NT5DC1: variants seen among roughly 807,000 people sequenced by gnomAD.
The protein encoded by NT5DC1 is 5'-nucleotidase domain-containing protein 1.
A neutral mutation model predicts 59.4 loss-of-function variants in NT5DC1; 42 were observed. That is an observed-to-expected ratio of 0.71 (90% CI 0.55 to 0.92). NT5DC1 has a LOEUF of 0.92. Ranked by LOEUF, NT5DC1 falls within the 40% of genes least tolerant of loss-of-function variation. The probability of loss-of-function intolerance (pLI) is 0.00; values close to 1 mark genes in which losing one functional copy is unlikely to be tolerated. For missense variants in NT5DC1, 501 were observed against 537.1 expected (o/e 0.93, Z 0.66); for synonymous variants, 172 against 188.1 (o/e 0.91, Z 0.70).
intron 6 of NT5DC1, among the ~76,000 whole-genome samples, chr6:116,159,139 A>G (rs1240805860): frequency 1.3e-5 from 2 of 152,176 alleles, no homozygotes; most frequent in African/African-American, 4.8e-5. Flanking sequence ...TTCTTATGCC[A>G]TTGCTCTGGG....
In NT5DC1 at chr6:116,237,039, C is replaced by T; in HGVS notation, c.876C>T (p.His292=). The change falls in exon 9 of 12, where the codon CAC becomes CAT. Residue 292 remains histidine, a synonymous_variant. Coordinates refer to ENST00000319550, the MANE Select transcript of NT5DC1 (RefSeq NM_152729.3). ...PGWYSQGNAV[H]LYELLKKMTG... ...GGTACTCCCAAGGGAACGCTGTCCA[C>T]CTCTATGAACTTCTGAAGAAAATGA... 1.9e-5 allele frequency: 31 copies of T among 1,613,230 alleles called. No homozygotes were observed. The highest frequency in any genetic ancestry group is 2.5e-5 in the Non-Finnish European group (29 of 1,179,256).
chr6:116,170,657 A>G (rs1270660692), intron 6 of NT5DC1, among the ~76,000 whole-genome samples: 1 of 152,204 alleles, frequency 6.6e-6, no homozygotes, highest in Non-Finnish European at 1.5e-5. Context: ...GGATAAAGCC[A>G]TGTTTCTTAG....
intron 6 of NT5DC1, among the ~76,000 whole-genome samples, chr6:116,180,143 G>T (rs1780842934): frequency 6.6e-6 from 1 of 151,804 alleles, no homozygotes; most frequent in Non-Finnish European, 1.5e-5. Flanking sequence ...ATTATTAAGG[G>T]CATATATTAT....
chr6:116,213,427 A>T (rs1218107819), intron 6 of NT5DC1, among the ~76,000 whole-genome samples: 2 of 152,102 alleles, frequency 1.3e-5, no homozygotes, highest in African/African-American at 4.8e-5. Context: ...TCCAACAGGT[A>T]AGGAGTCGAA....
Position 116,246,095 on chromosome 6 carries a change from A to G in NT5DC1, c.*2071A>G, listed in dbSNP as rs1771841748. On this transcript the variant is annotated 3_prime_UTR_variant, in exon 12 of 12. Coordinates refer to ENST00000319550, the MANE Select transcript of NT5DC1 (RefSeq NM_152729.3). ...CCAATGGATATGAAGATTAAAAATA[A>G]TCCAAATCCATAAAAATTAAAAAGA... is the stretch of plus-strand genomic sequence containing the variant. 1 of 152,168 alleles carries G rather than the reference A, an allele frequency of 6.6e-6. No individual in the cohort carries two copies. The highest frequency in any genetic ancestry group is 2.4e-5 in the African/African-American group (1 of 41,458). 9.4% of individuals were successfully genotyped at this position (152,168 alleles called of 1,614,324 possible).
chr6:116,212,440 A>G (rs2114528408), intron 6 of NT5DC1, among the ~76,000 whole-genome samples: 1 of 152,180 alleles, frequency 6.6e-6, no homozygotes, highest in East Asian at 1.9e-4. Context: ...TGAACAAGTA[A>G]TCCTTTGTGA....
chr6:116,228,448 C>T (rs565416349), intron 8 of NT5DC1, among the ~76,000 whole-genome samples: 1 of 151,964 alleles, frequency 6.6e-6, no homozygotes, highest in East Asian at 1.9e-4. Context: ...GCAGAGGTTG[C>T]GGTGAGCCAA....
rs1243845790 is a variant in NT5DC1 at position 116,178,106 on chromosome 6, CGTGCGTGTGT to C, written c.530-42944_530-42935del. 4.2e-4 allele frequency among the ~76,000 whole-genome samples: 55 copies of C among 130,830 alleles called. 1 individual carries two copies. The highest frequency in any genetic ancestry group is 7.5e-4 in the African/African-American group (24 of 31,882). The allele number at this position is 130,830 out of a possible 152,430, so 85.8% of individuals were successfully genotyped here. On this transcript the variant is annotated intron_variant, in intron 6 of 11. Transcript: ENST00000319550. ...GTGTGTGTGCGCGCGCGCGCGCGTG[CGTGCGTGTGT>C]GTGTGTGTGTGTGTGTGTTTACTAG...
chr6:116,230,709 G>A (rs938880021), intron 8 of NT5DC1, among the ~76,000 whole-genome samples: 1 of 152,064 alleles, frequency 6.6e-6, no homozygotes, highest in African/African-American at 2.4e-5. Context: ...CCTCCTTTGC[G>A]ATACCTTCCT....
At chr6:116,122,753 A>G (rs1316312382) in intron 6 of NT5DC1, among the ~76,000 whole-genome samples, 2 of 152,230 alleles carry the variant, frequency 1.3e-5, no homozygotes, top group African/African-American at 4.8e-5. Context: ...TTTGGTGTAT[A>G]TAAATGCAGA....
chr6:116,196,238 C>G (rs143920276), intron 6 of NT5DC1, among the ~76,000 whole-genome samples: 8 of 152,076 alleles, frequency 5.3e-5, no homozygotes, highest in African/African-American at 1.7e-4. Context: ...TCAGGAATTC[C>G]ATTTTTTAAC....
intron 6 of NT5DC1, among the ~76,000 whole-genome samples, chr6:116,134,791 C>T (rs1490282440): frequency 6.6e-6 from 1 of 152,096 alleles, no homozygotes; most frequent in African/African-American, 2.4e-5. Context: ...TACTGGCTGG[C>T]TAATAAGTTA....
At chr6:116,135,864 T>C (rs866632013) in intron 6 of NT5DC1, among the ~76,000 whole-genome samples, 30 of 108,644 alleles carry the variant, frequency 2.8e-4, no homozygotes, top group South Asian at 1.8e-3. Context: ...TATATATATA[T>C]ATATATATAC....
At chr6:116,199,836 T>C (rs895473058) in intron 6 of NT5DC1, among the ~76,000 whole-genome samples, 63 of 152,120 alleles carry the variant, frequency 4.1e-4, no homozygotes, top group African/African-American at 1.4e-3. Context: ...AAATAAGTGA[T>C]TAACAAGTAA....
At chr6:116,191,697 C>T (rs562392363) in intron 6 of NT5DC1, among the ~76,000 whole-genome samples, 86 of 152,090 alleles carry the variant, frequency 5.7e-4, no homozygotes, top group African/African-American at 2.0e-3. Context: ...ATAACATTGT[C>T]TTTTTTGTGT....
At chr6:116,236,848 C>A (rs1170732774) in intron 8 of NT5DC1, 118 bp from the exon 9 acceptor site, 7 of 650,082 alleles carry the variant, frequency 1.1e-5, no homozygotes, top group Non-Finnish European at 1.9e-5. Flanking sequence ...AATGTCAGCT[C>A]CTTTCCCCAC....
In NT5DC1 at chr6:116,117,900, A is replaced by G. The variant is rs34930040; in HGVS notation, c.484A>G (p.Ile162Val). The G allele has an allele frequency of 2.6e-4, 409 of 1,589,434 alleles. 2 individuals carry two copies. In the African/African-American group the frequency reaches 4.9e-3, roughly 19 times the overall value. Residue 162 changes from isoleucine to valine, a missense_variant, in exon 6 of 12, where the codon ATA becomes GTA. Physicochemically the swap from Ile to Val is conservative, Grantham distance 29. Coordinates refer to ENST00000319550, the MANE Select transcript of NT5DC1 (RefSeq NM_152729.3). Reference protein sequence around the residue: ...GQKTFDFWKDIVAAIQHNYKM... With the variant: ...GQKTFDFWKDVVAAIQHNYKM... ...AAAAACATTTGATTTTTGGAAGGATATAGTTGCTGCTATACAACACAATTA... is the reference window on the plus strand; with the variant it reads ...AAAAACATTTGATTTTTGGAAGGATGTAGTTGCTGCTATACAACACAATTA...
At chr6:116,219,313 A>G (rs1781746679) in intron 6 of NT5DC1, among the ~76,000 whole-genome samples, 1 of 152,194 alleles carries the variant, frequency 6.6e-6, no homozygotes, top group African/African-American at 2.4e-5. Flanking sequence ...ATCATGGGAA[A>G]GTCCAGTAGT....
Position 116,249,473 on chromosome 6 carries a change from C to T in NT5DC1, c.*5449C>T, listed in dbSNP as rs141864230. The T allele has an allele frequency of 3.3e-5, 5 of 152,272 alleles. No individual in the cohort carries two copies. Among genetic ancestry groups the T allele is most frequent in the Admixed American group, 2.6e-4 (4 of 15,304 alleles). 9.4% of individuals were successfully genotyped at this position (152,272 alleles called of 1,614,324 possible). On this transcript the variant is annotated 3_prime_UTR_variant, in exon 12 of 12. Transcript: ENST00000319550. ...TGCTATACAGCAAAACTATCATTAC[C>T]GGTAATTAAAGTTGTGATACCTGAT...
Sources: gnomAD v4.1 joint callset for allele counts (sites outside exome capture counted in the v4.1 genomes callset) on GRCh38, gnomAD v4.1.1 for gene constraint, MANE v1.5 for transcripts, NCBI Gene and HGNC (gene_info 2026-07-23, HGNC 2026-07-21) for gene names.